Variants in PCDH15 observed in about 807,000 individuals in gnomAD.
PCDH15 encodes the protein protocadherin-15.
In PCDH15, 129 loss-of-function variants were observed where a neutral mutation model predicts 178.5. The ratio of observed to expected loss-of-function variants is 0.72; its 90% CI spans 0.63 to 0.84. The LOEUF is 0.84. PCDH15 is among the 40% of genes least tolerant of loss of function. The probability of loss-of-function intolerance (pLI) is 0.00; values close to 1 mark genes in which losing one functional copy is unlikely to be tolerated. For missense variants in PCDH15, 2,230 were observed against 2,099.9 expected (o/e 1.06, Z -1.21); for synonymous variants, 800 against 732.0 (o/e 1.09, Z -1.50).
At chr10:54,962,849 C>T (rs1232116877) in intron 2 of PCDH15, among the ~76,000 whole-genome samples, 1 of 152,074 alleles carries the variant, frequency 6.6e-6, no homozygotes, top group Non-Finnish European at 1.5e-5. Context: ...TGGAATGAGC[C>T]CAGAAGGCAT....
chr10:55,322,902 T>C (rs1307419661), upstream of PCDH15, among the ~76,000 whole-genome samples: 4 of 152,074 alleles, frequency 2.6e-5, no homozygotes, highest in Non-Finnish European at 4.4e-5. Flanking sequence ...CTCTGGGGCA[T>C]GTCAGAGACC....
intron 2 of PCDH15, among the ~76,000 whole-genome samples, chr10:55,551,311 T>C (rs1564449838): frequency 6.6e-6 from 1 of 151,978 alleles, no homozygotes; most frequent in Admixed American, 6.6e-5. Context: ...GCTAATTCCT[T>C]ATTCTTTCAG....
intron 3 of PCDH15, among the ~76,000 whole-genome samples, chr10:54,812,966 C>T (rs1952889543): frequency 6.6e-6 from 1 of 152,172 alleles, no homozygotes; most frequent in South Asian, 2.1e-4. Flanking sequence ...TGGATTCTAA[C>T]ACCTACCTAA....
At chr10:54,120,765 AC>A (rs1045163774) in intron 15 of PCDH15, among the ~76,000 whole-genome samples, 28 of 152,254 alleles carry the variant, frequency 1.8e-4, no homozygotes, top group Admixed American at 1.4e-3. Flanking sequence ...ACATAAACAC[AC>A]CCCACATTGT....
chr10:54,816,325 G>A (rs1952949784), intron 3 of PCDH15, among the ~76,000 whole-genome samples: 1 of 151,984 alleles, frequency 6.6e-6, no homozygotes, highest in African/African-American at 2.4e-5. Context: ...ATTGGTAATG[G>A]ATATAACTAA....
chr10:53,866,986 G>A (rs1051371678), intron 26 of PCDH15, 129 bp from the exon 27 acceptor site: 2 of 684,002 alleles, frequency 2.9e-6, no homozygotes, highest in Admixed American at 4.9e-5. Context: ...CCTCCTAAAT[G>A]TCTGTTTTTT....
At chr10:54,449,018 T>C (rs546580239) in intron 3 of PCDH15, among the ~76,000 whole-genome samples, 2 of 151,772 alleles carry the variant, frequency 1.3e-5, no homozygotes, top group African/African-American at 4.8e-5. Flanking sequence ...TCCACTTTTT[T>C]CTTTTTCCCC....
chr10:55,552,132 C>T (rs537822330), intron 2 of PCDH15, among the ~76,000 whole-genome samples: 87 of 151,810 alleles, frequency 5.7e-4, no homozygotes, highest in Non-Finnish European at 1.2e-3. Context: ...TCAAGGAAGG[C>T]TTAAATGCTT....
intron 13 of PCDH15, among the ~76,000 whole-genome samples, chr10:54,159,583 G>C (rs11004105): frequency 1.3e-5 from 2 of 151,952 alleles, no homozygotes; most frequent in African/African-American, 4.8e-5. Context: ...ATATAAAATA[G>C]TTTTGATGCT....
chr10:54,518,741 T>G lies in PCDH15; in HGVS notation c.157+9071A>C, dbSNP rs575883725. ...CCAGCATCATCCTGATACCAAAGCC[T>G]GGCAGAGACGCAACCAAAAAAGAGA... On this transcript the variant is annotated intron_variant, in intron 3 of 37. Transcript: ENST00000644397. Among the ~76,000 whole-genome samples, 12 of 152,250 alleles carry G rather than the reference T, an allele frequency of 7.9e-5. No homozygotes were observed. In the East Asian group the frequency reaches 1.2e-3, roughly 15 times the overall value.
At chr10:54,609,839 T>C (rs960063689) in intron 2 of PCDH15, among the ~76,000 whole-genome samples, 7 of 151,974 alleles carry the variant, frequency 4.6e-5, no homozygotes, top group African/African-American at 1.7e-4. Flanking sequence ...CTAGAGGAAA[T>C]GTATGTGAAG....
intron 2 of PCDH15, among the ~76,000 whole-genome samples, chr10:55,613,586 T>C (rs551024862): frequency 2.0e-5 from 3 of 152,302 alleles, no homozygotes; most frequent in African/African-American, 7.2e-5. Context: ...GGATAATCAT[T>C]TGTGATAATG....
intron 2 of PCDH15, among the ~76,000 whole-genome samples, chr10:55,619,790 C>T (rs564376031): frequency 6.6e-6 from 1 of 151,936 alleles, no homozygotes; most frequent in African/African-American, 2.4e-5. Context: ...AATGTAGTAT[C>T]CAATGTAGAA....
intron 2 of PCDH15, among the ~76,000 whole-genome samples, chr10:55,345,344 A>G (rs2131959872): frequency 6.6e-6 from 1 of 152,148 alleles, no homozygotes; most frequent in East Asian, 1.9e-4. Context: ...AACAAGGAGT[A>G]TATCTCAGTG....
At chr10:53,807,899 C>T (rs1390238130) in intron 37 of PCDH15, among the ~76,000 whole-genome samples, 1 of 152,026 alleles carries the variant, frequency 6.6e-6, no homozygotes, top group African/African-American at 2.4e-5. Flanking sequence ...TTAAAAATAG[C>T]AAGAAGCAAG....
intron 2 of PCDH15, among the ~76,000 whole-genome samples, chr10:54,626,732 T>A (rs767879943): frequency 6.6e-6 from 1 of 152,162 alleles, no homozygotes; most frequent in Non-Finnish European, 1.5e-5. Context: ...AGAGTCCCTA[T>A]TGGGGCACTG....
At chr10:55,208,669 T>C (rs1840474776) in intron 1 of PCDH15, among the ~76,000 whole-genome samples, 1 of 152,110 alleles carries the variant, frequency 6.6e-6, no homozygotes, top group South Asian at 2.1e-4. Flanking sequence ...TCATACACTT[T>C]TTTTGTCTGC....
chr10:54,614,114 A>C (rs545880501), intron 2 of PCDH15, among the ~76,000 whole-genome samples: 1 of 152,098 alleles, frequency 6.6e-6, no homozygotes, highest in Non-Finnish European at 1.5e-5. Flanking sequence ...ATATATATAC[A>C]CCCATATATG....
intron 8 of PCDH15, among the ~76,000 whole-genome samples, chr10:54,301,112 C>CTTTGT (rs200135671): frequency 0.26 from 39,081 of 151,910 alleles, 6,284 homozygotes; most frequent in Middle Eastern, 0.38. Flanking sequence ...GGAAGAAACT[C>CTTTGT]CAGACAGACC....
Sources: gnomAD v4.1 joint callset for allele counts (sites outside exome capture counted in the v4.1 genomes callset) on GRCh38, gnomAD v4.1.1 for gene constraint, MANE v1.5 for transcripts, NCBI Gene and HGNC (gene_info 2026-07-23, HGNC 2026-07-21) for gene names.